Variants in ATXN2 observed in about 807,000 individuals in gnomAD.
ATXN2 encodes the protein ataxin 2.
ATXN2 carries 37 observed loss-of-function variants against 138.6 expected under a neutral mutation model. The ratio of observed to expected loss-of-function variants is 0.27; its 90% CI spans 0.21 to 0.35. ATXN2 has a LOEUF of 0.35. ATXN2 is among the 10% of genes least tolerant of loss of function. The pLI is 1.00. For missense variants in ATXN2, 1,216 were observed against 1,480.3 expected, an observed-to-expected ratio of 0.82 and a Z score of 2.93; for synonymous variants, 549 against 543.7, an observed-to-expected ratio of 1.01 and a Z score of -0.13.
Position 111,598,638 on chromosome 12 carries a change from T to C in ATXN2, c.251+146A>G. The C allele has an allele frequency of 1.1e-6, 1 of 926,304 alleles. No homozygotes were observed. Among genetic ancestry groups the C allele is most frequent in the South Asian group, 5.0e-5 (1 of 19,810 alleles). 57.4% of individuals were successfully genotyped at this position (926,304 alleles called of 1,614,324 possible). On this transcript the variant is annotated intron_variant, in intron 1 of 24. Coordinates refer to ENST00000673436, the MANE Select transcript of ATXN2 (RefSeq NM_001372574.1). The surrounding 1 kb of genome is among the most constrained non-coding windows in gnomAD (Gnocchi z 4.5). ...GCGCCCACCGGCCGAGCCTCGGGGC[T>C]CAGGCCCGAGCGAGTCTCCCCCGCG...
intron 23 of ATXN2, 84 bp downstream of exon 23, chr12:111,455,945 T>C (rs919596746): frequency 2.3e-6 from 3 of 1,322,112 alleles, no homozygotes; most frequent in African/African-American, 2.9e-5. Flanking sequence ...CAGGGTTTCC[T>C]AGCTGGGAGA....
At chr12:111,474,655 T>C (rs1055948588) in intron 18 of ATXN2, among the ~76,000 whole-genome samples, 4 of 152,094 alleles carry the variant, frequency 2.6e-5, no homozygotes, top group Admixed American at 2.0e-4. Flanking sequence ...CACTAAAATG[T>C]TGGTGGATAA....
chr12:111,566,933 C>G (rs1044043501), intron 1 of ATXN2, among the ~76,000 whole-genome samples: 1 of 152,110 alleles, frequency 6.6e-6, no homozygotes, highest in African/African-American at 2.4e-5. Flanking sequence ...CCACCGTGCC[C>G]AACCAGGAAA....
At chr12:111,457,566 T>C (rs1307051466) in intron 21 of ATXN2, 3 of 528,030 alleles carry the variant, frequency 5.7e-6, no homozygotes, top group Non-Finnish European at 9.8e-6. Flanking sequence ...TTGGTTCATA[T>C]AATACAGCTC....
chr12:111,546,032 T>C (rs1881783351), intron 5 of ATXN2, among the ~76,000 whole-genome samples: 1 of 151,954 alleles, frequency 6.6e-6, no homozygotes, highest in African/African-American at 2.4e-5. Context: ...AGTGGTTAGT[T>C]GATGGAGATC....
intron 1 of ATXN2, chr12:111,581,833 A>C: frequency 2.7e-6 from 1 of 370,042 alleles, no homozygotes; most frequent in Non-Finnish European, 5.1e-6. Flanking sequence ...ATTCCCATGT[A>C]CTCCATCCAC....
intron 14 of ATXN2, among the ~76,000 whole-genome samples, chr12:111,495,700 A>G (rs2135711560): frequency 6.6e-6 from 1 of 152,312 alleles, no homozygotes; most frequent in Admixed American, 6.5e-5. Flanking sequence ...AAAATCAACA[A>G]AGAAACATTA....
intron 14 of ATXN2, among the ~76,000 whole-genome samples, chr12:111,493,633 T>C (rs1248295653): frequency 2.0e-5 from 3 of 151,462 alleles, no homozygotes; most frequent in Non-Finnish European, 4.4e-5. Context: ...AACTACAATT[T>C]TTTTTTTTTT....
chr12:111,585,531 G>A (rs1884275201), intron 1 of ATXN2, among the ~76,000 whole-genome samples: 1 of 150,182 alleles, frequency 6.7e-6, no homozygotes, highest in African/African-American at 2.5e-5. Context: ...AAAGCCAGGT[G>A]CGGTGGCTCA....
At chr12:111,485,172 A>G (rs771688315) in intron 18 of ATXN2, 93 bp downstream of exon 18, 2 of 1,216,968 alleles carry the variant, frequency 1.6e-6, no homozygotes, top group Non-Finnish European at 1.2e-6. Context: ...AAAAAGTCAG[A>G]GCTAAACTAC....
At chr12:111,478,175 G>C (rs1321816437) in intron 18 of ATXN2, among the ~76,000 whole-genome samples, 1 of 152,046 alleles carries the variant, frequency 6.6e-6, no homozygotes, top group Non-Finnish European at 1.5e-5. Context: ...GGGAGGCCGA[G>C]GCAGGTAGAT....
At position 111,516,241 on chromosome 12, in the gene ATXN2, AG is replaced by A; in HGVS notation, c.1287del (p.Ser430ArgfsTer58). On this transcript the variant is annotated frameshift_variant, in exon 10 of 25. Coordinates refer to ENST00000673436, the MANE Select transcript of ATXN2 (RefSeq NM_001372574.1). LOFTEE classifies it high-confidence loss of function. This position sits in a 1 kb window ranked among gnomAD's most constrained non-coding sequence, Gnocchi z 5.0. ...ATPTRPPSRP[P>X]SRPSRPPSHP... The stretch of plus-strand genomic sequence containing the variant: ...TGAGACGGGGGTCTGGATGGCCGCG[AG>A]GGGGGCCTGGAGGGCGGCCGTGTAG... 6.4e-7 allele frequency: 1 copy of A among 1,569,522 alleles called. No individual in the cohort carries two copies. The highest frequency in any genetic ancestry group is 8.6e-7 in the Non-Finnish European group (1 of 1,164,306).
At chr12:111,474,980 G>A (rs1225273238) in intron 18 of ATXN2, among the ~76,000 whole-genome samples, 2 of 152,086 alleles carry the variant, frequency 1.3e-5, no homozygotes, top group African/African-American at 2.4e-5. Flanking sequence ...TTGGGAGGCC[G>A]AGGCGGGCGG....
chr12:111,558,840 G>A (rs1254987792), intron 1 of ATXN2, among the ~76,000 whole-genome samples: 1 of 151,712 alleles, frequency 6.6e-6, no homozygotes, highest in Non-Finnish European at 1.5e-5. Context: ...AGGGAGAAAT[G>A]AATGGGGTTG....
chr12:111,531,516 G>C (rs1257569960), intron 5 of ATXN2, among the ~76,000 whole-genome samples: 4 of 152,174 alleles, frequency 2.6e-5, no homozygotes, highest in African/African-American at 9.7e-5. Flanking sequence ...TGGGACTGGG[G>C]GTTAGAGAGG....
chr12:111,578,896 A>G (rs1467982619), intron 1 of ATXN2, among the ~76,000 whole-genome samples: 1 of 151,990 alleles, frequency 6.6e-6, no homozygotes, highest in Admixed American at 6.6e-5. Context: ...AAAGCAAACT[A>G]CCAGGTGTGG....
intron 14 of ATXN2, among the ~76,000 whole-genome samples, chr12:111,495,779 A>G (rs948775044): frequency 2.0e-5 from 3 of 152,190 alleles, no homozygotes; most frequent in African/African-American, 7.2e-5. Flanking sequence ...CAACAGCTAT[A>G]GAATACACAT....
At chr12:111,528,286 A>G (rs1306924882) in intron 5 of ATXN2, among the ~76,000 whole-genome samples, 1 of 152,174 alleles carries the variant, frequency 6.6e-6, no homozygotes, top group Non-Finnish European at 1.5e-5. Context: ...TGTGTGTGTG[A>G]AAATATTTAG....
At chr12:111,495,910 G>A (rs576605698) in intron 14 of ATXN2, among the ~76,000 whole-genome samples, 60 of 149,946 alleles carry the variant, frequency 4.0e-4, no homozygotes, top group Non-Finnish European at 7.4e-4. Flanking sequence ...TTGGGAGGCC[G>A]AAATAGGTGG....
Sources: allele counts gnomAD v4.1 joint callset (sites outside exome capture counted in the v4.1 genomes callset), GRCh38; gene constraint gnomAD v4.1.1; non-coding constraint Gnocchi (gnomAD v3.1); transcripts MANE v1.5; gene names NCBI Gene and HGNC (gene_info 2026-07-23, HGNC 2026-07-21).